IQUB: variants seen among roughly 807,000 people sequenced by gnomAD.
IQUB encodes IQ motif and ubiquitin-like domain-containing protein.
In IQUB, 86 loss-of-function variants were observed where a neutral mutation model predicts 86.4. The observed-to-expected ratio is 1.00, with a 90% CI of 0.84 to 1.19. The LOEUF (loss-of-function observed/expected upper bound fraction) is 1.19, where lower values mean the gene tolerates loss of function less well. Among genes scored for constraint, IQUB ranks in the 50% most tolerant of loss-of-function variants. The pLI, the probability that IQUB is intolerant of heterozygous loss-of-function variation, is 0.00. For synonymous variants in IQUB, 289 were observed against 304.5 expected (o/e 0.95, Z 0.53); for missense variants, 946 against 916.9 (o/e 1.03, Z -0.41).
At chr7:123,468,344 T>C (rs1794353571) in intron 9 of IQUB, among the ~76,000 whole-genome samples, 1 of 152,206 alleles carries the variant, frequency 6.6e-6, no homozygotes, top group South Asian at 2.1e-4. Flanking sequence ...AACCTTGCTT[T>C]GGGGCCTATC....
At chr7:123,460,095 G>T (rs1793911868) in intron 11 of IQUB, among the ~76,000 whole-genome samples, 1 of 151,906 alleles carries the variant, frequency 6.6e-6, no homozygotes, top group Admixed American at 6.6e-5. Context: ...ATGTACGGAT[G>T]CTGGGAATCA....
At chr7:123,530,670 T>G (rs1797488704) in intron 1 of IQUB, among the ~76,000 whole-genome samples, 2 of 137,004 alleles carry the variant, frequency 1.5e-5, no homozygotes, top group Admixed American at 1.6e-4. Flanking sequence ...TTTTGCTCTT[T>G]GATTTTTTTT....
intron 1 of IQUB, among the ~76,000 whole-genome samples, chr7:123,529,340 C>T (rs1384214671): frequency 6.6e-6 from 1 of 151,650 alleles, no homozygotes; most frequent in Non-Finnish European, 1.5e-5. Context: ...TTTTATAATA[C>T]GTGCTTAACA....
intron 7 of IQUB, among the ~76,000 whole-genome samples, chr7:123,488,886 A>G (rs867402725): frequency 3.9e-5 from 6 of 152,256 alleles, no homozygotes; most frequent in Non-Finnish European, 7.3e-5. Flanking sequence ...ATGTTGAAGT[A>G]ACATTTAGCA....
chr7:123,463,503 A>C (rs1794098118), intron 10 of IQUB, among the ~76,000 whole-genome samples: 1 of 151,868 alleles, frequency 6.6e-6, no homozygotes, highest in South Asian at 2.1e-4. Context: ...AATCCATGCA[A>C]TATGCTAAGT....
At chr7:123,472,614 C>T (rs943556143) in intron 8 of IQUB, among the ~76,000 whole-genome samples, 22 of 152,060 alleles carry the variant, frequency 1.4e-4, no homozygotes, top group African/African-American at 5.1e-4. Context: ...TAAAGGGAAC[C>T]GAGTGATACA....
intron 7 of IQUB, among the ~76,000 whole-genome samples, chr7:123,485,715 A>T (rs574386013): frequency 1.3e-5 from 2 of 152,168 alleles, no homozygotes; most frequent in South Asian, 4.1e-4. Flanking sequence ...AGAACATACA[A>T]TATTTTGTCT....
chr7:123,506,604 T>C (rs1161411072), intron 3 of IQUB, among the ~76,000 whole-genome samples: 3 of 151,964 alleles, frequency 2.0e-5, no homozygotes. Context: ...CAACCAGATC[T>C]CATGATAACT....
rs1347936838 is a variant in IQUB, at chr7:123,452,839, T to C, written c.2280A>G (p.Ser760=). 2 of 1,613,484 alleles carry C rather than the reference T, an allele frequency of 1.2e-6. No individual in the cohort carries two copies. Among genetic ancestry groups the C allele is most frequent in the Non-Finnish European group, 1.7e-6 (2 of 1,179,674 alleles). The change falls in exon 13 of 13, where the codon TCA becomes TCG. Residue 760 remains serine, a synonymous_variant. Transcript: ENST00000324698. ...NYFSQVPVLA[S]FILDDGEIDE... The stretch of plus-strand genomic sequence containing the variant: ...CAATTTCACCATCATCAAGTATAAA[T>C]GAAGCCAGCACTGGAACCTGAGAAA...
intron 1 of IQUB, among the ~76,000 whole-genome samples, chr7:123,519,913 T>G (rs373041997): frequency 3.3e-5 from 5 of 152,160 alleles, no homozygotes; most frequent in Non-Finnish European, 5.9e-5. Context: ...ATATGTACAA[T>G]TATGTATAAA....
intron 1 of IQUB, among the ~76,000 whole-genome samples, chr7:123,514,997 T>A (rs1019449213): frequency 6.6e-5 from 10 of 152,038 alleles, no homozygotes; most frequent in Admixed American, 5.2e-4. Flanking sequence ...AGTTTTTAAA[T>A]TTCAAAACAA....
chr7:123,509,942 A>C lies in IQUB; in HGVS notation c.491T>G (p.Leu164Ter), dbSNP rs1334462677. ...LKYLKDHFSH[L>*]LGIPHSVLQI... ...CAGTACAGAATGTGGGATACCTAAT[A>C]AGTGTGAAAAATGGTCCTTAAGATA... is the stretch of plus-strand genomic sequence containing the variant. Residue 164 changes from leucine to a stop codon, truncating the protein, a stop_gained, in exon 3 of 13, where the codon TTA becomes TGA. Transcript: ENST00000324698. LOFTEE classifies it high-confidence loss of function. 6.2e-7 allele frequency: 1 copy of C among 1,609,888 alleles called. No individual in the cohort carries two copies. Among genetic ancestry groups the C allele is most frequent in the South Asian group, 1.1e-5 (1 of 90,440 alleles).
At chr7:123,497,011 C>T (rs1281394969) in intron 6 of IQUB, 105 bp from the exon 7 acceptor site, 2 of 692,170 alleles carry the variant, frequency 2.9e-6, no homozygotes, top group Non-Finnish European at 4.7e-6. Flanking sequence ...AACAAAATAA[C>T]TGAGTCTAGT....
At chr7:123,525,774 G>A (rs1249385411) in intron 1 of IQUB, among the ~76,000 whole-genome samples, 1 of 151,780 alleles carries the variant, frequency 6.6e-6, no homozygotes, top group Non-Finnish European at 1.5e-5. Context: ...TGCTTTTCTA[G>A]TTCTTTTAAT....
chr7:123,457,618 TTATTA>T (rs1417397717), intron 11 of IQUB, 52 bp from the exon 12 acceptor site: 1 of 1,301,938 alleles, frequency 7.7e-7, no homozygotes, highest in East Asian at 2.4e-5. Context: ...TTGTTTAAGA[TTATTA>T]TATTACTTGA....
intron 12 of IQUB, among the ~76,000 whole-genome samples, chr7:123,453,948 C>A (rs1415553225): frequency 6.6e-6 from 1 of 152,084 alleles, no homozygotes; most frequent in African/African-American, 2.4e-5. Context: ...TCAATCAAAT[C>A]ACAAATACTA....
At chr7:123,486,807 C>T (rs530697838) in intron 7 of IQUB, among the ~76,000 whole-genome samples, 2 of 152,284 alleles carry the variant, frequency 1.3e-5, no homozygotes, top group South Asian at 4.1e-4. Flanking sequence ...TCTATCAGGA[C>T]TCCTGGGCTT....
At chr7:123,529,653 A>G (rs547142989) in intron 1 of IQUB, among the ~76,000 whole-genome samples, 4 of 136,678 alleles carry the variant, frequency 2.9e-5, no homozygotes, top group Non-Finnish European at 6.2e-5. Context: ...TTGGGAGTCT[A>G]AAGTGGGCGG....
At chr7:123,484,794 C>A (rs889922515) in intron 7 of IQUB, among the ~76,000 whole-genome samples, 3 of 151,974 alleles carry the variant, frequency 2.0e-5, no homozygotes, top group African/African-American at 7.2e-5. Context: ...ACAACCCAAC[C>A]AAGCTGACGA....
Sources: gnomAD v4.1 joint callset for allele counts (sites outside exome capture counted in the v4.1 genomes callset) on GRCh38, gnomAD v4.1.1 for gene constraint, MANE v1.5 for transcripts, NCBI Gene and HGNC (gene_info 2026-07-23, HGNC 2026-07-21) for gene names.